The following DR1 variants were observed in gnomAD, a reference collection of about 807,000 sequenced individuals.
DR1 encodes down-regulator of transcription 1.
A neutral mutation model predicts 19.9 loss-of-function variants in DR1; 7 were observed. The observed-to-expected ratio is 0.35, with a 90% CI of 0.20 to 0.66. The LOEUF is 0.66. Among genes scored for constraint, DR1 ranks in the 30% least tolerant of loss-of-function variants. The probability of loss-of-function intolerance (pLI) is 0.66; values close to 1 mark genes in which losing one functional copy is unlikely to be tolerated. For synonymous variants in DR1, 76 were observed against 72.5 expected, an observed-to-expected ratio of 1.05 and a Z score of -0.24; for missense variants, 98 against 203.7, an observed-to-expected ratio of 0.48 and a Z score of 3.16.
intron 2 of DR1, among the ~76,000 whole-genome samples, chr1:93,360,120 A>C (rs949551565): frequency 2.0e-5 from 3 of 152,194 alleles, no homozygotes; most frequent in African/African-American, 7.2e-5. Flanking sequence ...AGAAGAGTCA[A>C]GTGAAATGAA....
Position 93,366,236 on chromosome 1 carries a change from C to A in DR1, c.*5597C>A, listed in dbSNP as rs1230855312. The A allele has an allele frequency of 6.6e-6, 1 of 152,142 alleles. No homozygotes were observed. The highest frequency in any genetic ancestry group is 6.6e-5 in the Admixed American group (1 of 15,264). The allele number at this position is 152,142 out of a possible 1,614,324, so 9.4% of individuals were successfully genotyped here. ...TTGTAGCATGTATTAGAATTTCTTT[C>A]CTCTTAAAGGCCAAATATGCCGTAG... On this transcript the variant is annotated 3_prime_UTR_variant, in exon 3 of 3. Coordinates refer to ENST00000370272, the MANE Select transcript of DR1 (RefSeq NM_001938.3).
chr1:93,365,818 C>G lies in DR1; in HGVS notation c.*5179C>G, dbSNP rs1667121511. The G allele has an allele frequency of 6.6e-6, 1 of 152,202 alleles. No individual in the cohort carries two copies. Among genetic ancestry groups the G allele is most frequent in the South Asian group, 2.1e-4 (1 of 4,832 alleles). 9.4% of individuals were successfully genotyped at this position (152,202 alleles called of 1,614,324 possible). On this transcript the variant is annotated 3_prime_UTR_variant, in exon 3 of 3. Coordinates refer to ENST00000370272, the MANE Select transcript of DR1 (RefSeq NM_001938.3). The stretch of plus-strand genomic sequence containing the variant: ...GAGCAGCCATTATAAATCTCTGTAC[C>G]TGCTTGCTGCTTTTCTACCTCATTG...
chr1:93,360,472 T>C, intron 2 of DR1, 21 bp from the exon 3 acceptor site: 1 of 1,540,070 alleles, frequency 6.5e-7, no homozygotes, highest in Non-Finnish European at 8.7e-7. Context: ...TGTTATTTTT[T>C]TTTATGTTTT....
chr1:93,358,816 A>T (rs998342997), intron 2 of DR1, among the ~76,000 whole-genome samples: 2 of 152,134 alleles, frequency 1.3e-5, no homozygotes, highest in Non-Finnish European at 2.9e-5. Flanking sequence ...AATTTTTTCC[A>T]TTCCAGTAAC....
chr1:93,360,671 A>G lies in DR1; in HGVS notation c.*32A>G, dbSNP rs186067633. 2.2e-5 allele frequency: 34 copies of G among 1,576,288 alleles called. No individual in the cohort carries two copies. In the Admixed American group the frequency reaches 6.7e-4, roughly 31 times the overall value. ...CCAGCTGAGTTTCTATTTCTTCTATAAATGTTTTTCCCTGCACAACAAAAA... is the reference window on the plus strand; with the variant it reads ...CCAGCTGAGTTTCTATTTCTTCTATGAATGTTTTTCCCTGCACAACAAAAA... On this transcript the variant is annotated 3_prime_UTR_variant, in exon 3 of 3. Coordinates refer to ENST00000370272, the MANE Select transcript of DR1 (RefSeq NM_001938.3).
intron 2 of DR1, among the ~76,000 whole-genome samples, chr1:93,359,035 A>G (rs1376580067): frequency 6.6e-6 from 1 of 152,226 alleles, no homozygotes. Flanking sequence ...TTTGAAGCAC[A>G]AAGTACATGT....
rs572090832 is a variant in DR1 at position 93,364,782 on chromosome 1, CT to C, written c.*4158del. 0.013 allele frequency: 1,637 copies of C among 130,396 alleles called. 16 individuals carry two copies. The highest frequency in any genetic ancestry group is 0.026 in the Admixed American group (339 of 12,984). 8.1% of individuals were successfully genotyped at this position (130,396 alleles called of 1,614,324 possible). A position where few individuals can be genotyped will look rare whatever the true frequency, so the allele number is the denominator to read the frequency against. On this transcript the variant is annotated 3_prime_UTR_variant, in exon 3 of 3. Coordinates refer to ENST00000370272, the MANE Select transcript of DR1 (RefSeq NM_001938.3). ...GAAAGTAAGGAATAAGAGGAAGAAA[CT>C]TTTTTTTTTTTTTTAAAGAAACAGG...
rs1312756470 is a variant in DR1 at position 93,362,399 on chromosome 1, ATC to A, written c.*1762_*1763del. 2.0e-5 allele frequency: 3 copies of A among 149,686 alleles called. No homozygotes were observed. The highest frequency in any genetic ancestry group is 7.3e-5 in the African/African-American group (3 of 40,948). 9.3% of individuals were successfully genotyped at this position (149,686 alleles called of 1,614,324 possible). On this transcript the variant is annotated 3_prime_UTR_variant, in exon 3 of 3. Coordinates refer to ENST00000370272, the MANE Select transcript of DR1 (RefSeq NM_001938.3). Reference sequence around the variant, plus strand: ...TCCTTATACTTTCTATTTTAAGTATATCTGTTTCTTAAGTAAACAACTTAGAT... The same window carrying A: ...TCCTTATACTTTCTATTTTAAGTATATGTTTCTTAAGTAAACAACTTAGAT...
rs896471766 is a variant in DR1, at chr1:93,346,227, A to G, written c.-419A>G. The stretch of plus-strand genomic sequence containing the variant: ...CGGGGCCTCGGGCTCTATAGAGCCG[A>G]GCCCGCTGGGTACCCGCCCGGTACC... On this transcript the variant is annotated 5_prime_UTR_variant, in exon 1 of 3. Coordinates refer to ENST00000370272, the MANE Select transcript of DR1 (RefSeq NM_001938.3). The G allele has an allele frequency of 4.3e-6, 1 of 231,378 alleles. No individual in the cohort carries two copies. Among genetic ancestry groups the G allele is most frequent in the African/African-American group, 2.3e-5 (1 of 42,710 alleles). The allele number at this position is 231,378 out of a possible 1,614,324, so 14.3% of individuals were successfully genotyped here. A position where few individuals can be genotyped will look rare whatever the true frequency, so the allele number is the denominator to read the frequency against.
intron 1 of DR1, among the ~76,000 whole-genome samples, chr1:93,352,611 T>C (rs2101636622): frequency 6.6e-6 from 1 of 152,292 alleles, no homozygotes; most frequent in East Asian, 1.9e-4. Context: ...TTTTTGGCAT[T>C]CTCCCAGAAG....
intron 1 of DR1, among the ~76,000 whole-genome samples, 186 bp from the exon 2 acceptor site, chr1:93,353,722 A>G (rs1666945004): frequency 6.6e-6 from 1 of 152,208 alleles, no homozygotes; most frequent in African/African-American, 2.4e-5. Flanking sequence ...TATTTAGCAG[A>G]TTGATAAAAT....
chr1:93,367,903 T>C lies in DR1; in HGVS notation c.*7264T>C, dbSNP rs564739961. ...GGTGTGCACCTGTAGTCCCAGCTAC[T>C]TGGGAGGCTGAGGCAGGGGATTTCT... On this transcript the variant is annotated 3_prime_UTR_variant, in exon 3 of 3. Coordinates refer to ENST00000370272, the MANE Select transcript of DR1 (RefSeq NM_001938.3). The C allele has an allele frequency of 6.6e-6, 1 of 152,278 alleles. No individual in the cohort carries two copies. Among genetic ancestry groups the C allele is most frequent in the East Asian group, 1.9e-4 (1 of 5,178 alleles). 9.4% of individuals were successfully genotyped at this position (152,278 alleles called of 1,614,324 possible).
rs376002168 is a variant in DR1 at position 93,365,079 on chromosome 1, G to C, written c.*4440G>C. 3 of 151,700 alleles carry C rather than the reference G, an allele frequency of 2.0e-5. No individual in the cohort carries two copies. The highest frequency in any genetic ancestry group is 7.3e-5 in the African/African-American group (3 of 41,306). 9.4% of individuals were successfully genotyped at this position (151,700 alleles called of 1,614,324 possible). A position where few individuals can be genotyped will look rare whatever the true frequency, so the allele number is the denominator to read the frequency against. On this transcript the variant is annotated 3_prime_UTR_variant, in exon 3 of 3. Transcript: ENST00000370272. ...TCACCGTGTTAGCCAGGATGGTCTC[G>C]ATCTCCTGACCTCGTGATCCACCCG...
At chr1:93,357,293 G>A (rs929606445) in intron 2 of DR1, among the ~76,000 whole-genome samples, 5 of 151,652 alleles carry the variant, frequency 3.3e-5, no homozygotes, top group African/African-American at 1.2e-4. Flanking sequence ...AACCATATAC[G>A]GGTCTTCTGC....
chr1:93,351,903 C>T (rs1666916772), intron 1 of DR1, among the ~76,000 whole-genome samples: 1 of 152,052 alleles, frequency 6.6e-6, no homozygotes, highest in Admixed American at 6.5e-5. Flanking sequence ...AGGTCCTGTA[C>T]ACTTATGAGG....
Position 93,367,971 on chromosome 1 carries a change from A to G in DR1, c.*7332A>G, listed in dbSNP as rs935941150. The G allele has an allele frequency of 6.6e-6, 1 of 152,260 alleles. No homozygotes were observed. The highest frequency in any genetic ancestry group is 2.4e-5 in the African/African-American group (1 of 41,452). The allele number at this position is 152,260 out of a possible 1,614,324, so 9.4% of individuals were successfully genotyped here. Reference sequence around the variant, plus strand: ...GGTTGCAGTGAGTTGAGATCGCGACACTGCACTCCAGCCTGACAACAGAGC... The same window carrying G: ...GGTTGCAGTGAGTTGAGATCGCGACGCTGCACTCCAGCCTGACAACAGAGC... On this transcript the variant is annotated 3_prime_UTR_variant, in exon 3 of 3. Coordinates refer to ENST00000370272, the MANE Select transcript of DR1 (RefSeq NM_001938.3).
chr1:93,353,293 T>G (rs975369099), intron 1 of DR1, among the ~76,000 whole-genome samples: 2 of 152,198 alleles, frequency 1.3e-5, no homozygotes, highest in African/African-American at 4.8e-5. Context: ...CAGCTACGTT[T>G]TTTTTGCCAC....
At chr1:93,347,734 G>A (rs550618563) in intron 1 of DR1, among the ~76,000 whole-genome samples, 7 of 152,122 alleles carry the variant, frequency 4.6e-5, no homozygotes, top group Admixed American at 3.3e-4. Flanking sequence ...ATAGGGATTT[G>A]GGGGACTGTA....
At position 93,351,610 on chromosome 1, in the gene DR1, G is replaced by GT. The variant is rs1449814699; in HGVS notation, c.221-2292dup. 1.1e-4 allele frequency among the ~76,000 whole-genome samples: 16 copies of GT among 151,684 alleles called. No individual in the cohort carries two copies. The East Asian group carries it at 2.5e-3, about 24-fold the overall frequency. On this transcript the variant is annotated intron_variant, in intron 1 of 2. Coordinates refer to ENST00000370272, the MANE Select transcript of DR1 (RefSeq NM_001938.3). ...GCCACCACGCCTGGCTAATTTTTCT[G>GT]TTTTTTGTAGAGACAATGTGTTGCC...
Sources: allele counts gnomAD v4.1 joint callset (sites outside exome capture counted in the v4.1 genomes callset), GRCh38; gene constraint gnomAD v4.1.1; transcripts MANE v1.5; gene names NCBI Gene and HGNC (gene_info 2026-07-23, HGNC 2026-07-21).